ZFPM2: variants seen among roughly 807,000 people sequenced by gnomAD.
ZFPM2 encodes zinc finger protein ZFPM2.
Under a neutral mutation model 98.6 loss-of-function variants are expected in ZFPM2, and 20 were observed. The observed-to-expected ratio is 0.20, with a 90% CI of 0.14 to 0.29. The LOEUF (loss-of-function observed/expected upper bound fraction) is 0.29. Among genes scored for constraint, ZFPM2 ranks in the 10% least tolerant of loss-of-function variants. ZFPM2 has a pLI of 1.00. For synonymous variants in ZFPM2, 518 were observed against 502.7 expected (o/e 1.03, Z -0.41); for missense variants, 1,310 against 1,388.6 (o/e 0.94, Z 0.90).
At chr8:105,743,074 A>G (rs1749565534) in intron 5 of ZFPM2, among the ~76,000 whole-genome samples, 1 of 152,132 alleles carries the variant, frequency 6.6e-6, no homozygotes. Context: ...AGATTTTTAG[A>G]GTAGGGGAAA....
At chr8:105,501,888 A>G (rs1431248226) in intron 3 of ZFPM2, among the ~76,000 whole-genome samples, 14 of 142,320 alleles carry the variant, frequency 9.8e-5, no homozygotes, top group South Asian at 2.3e-4. Context: ...TTTCAAACAT[A>G]TGTTAAACAG....
At chr8:105,495,952 T>C (rs1201656868) in intron 3 of ZFPM2, among the ~76,000 whole-genome samples, 2 of 152,188 alleles carry the variant, frequency 1.3e-5, no homozygotes, top group African/African-American at 2.4e-5. Flanking sequence ...AGAGTTCCCA[T>C]ACTTTATACC....
At chr8:105,379,079 A>C (rs1810787913) in intron 1 of ZFPM2, among the ~76,000 whole-genome samples, 1 of 152,170 alleles carries the variant, frequency 6.6e-6, no homozygotes, top group African/African-American at 2.4e-5. Context: ...AACAATATGT[A>C]CTACTTTTGT....
At chr8:105,731,628 A>G (rs1811941798) in intron 5 of ZFPM2, among the ~76,000 whole-genome samples, 1 of 151,628 alleles carries the variant, frequency 6.6e-6, no homozygotes, top group Non-Finnish European at 1.5e-5. Flanking sequence ...GTAAATAGAA[A>G]GTTTATAATA....
At chr8:105,546,259 G>T (rs769178374) in intron 3 of ZFPM2, among the ~76,000 whole-genome samples, 13 of 151,946 alleles carry the variant, frequency 8.6e-5, no homozygotes, top group African/African-American at 2.9e-4. Context: ...TTTTATTTTC[G>T]TCTTTATTTA....
intron 3 of ZFPM2, among the ~76,000 whole-genome samples, chr8:105,527,431 A>G (rs1409253510): frequency 1.3e-5 from 2 of 152,212 alleles, no homozygotes; most frequent in Non-Finnish European, 2.9e-5. Flanking sequence ...GGATAACTAT[A>G]TGGATTTAGA....
At chr8:105,401,583 A>C (rs939983493) in intron 1 of ZFPM2, among the ~76,000 whole-genome samples, 1 of 151,978 alleles carries the variant, frequency 6.6e-6, no homozygotes, top group African/African-American at 2.4e-5. Flanking sequence ...GCATTTCATC[A>C]TTTGCCTTCA....
At chr8:105,619,446 A>G (rs990143944) in intron 4 of ZFPM2, among the ~76,000 whole-genome samples, 1 of 152,092 alleles carries the variant, frequency 6.6e-6, no homozygotes, top group Admixed American at 6.6e-5. Flanking sequence ...TGAATATTCT[A>G]CATAGTAGAT....
intron 5 of ZFPM2, among the ~76,000 whole-genome samples, chr8:105,657,009 T>C (rs1408018861): frequency 6.6e-6 from 1 of 152,154 alleles, no homozygotes; most frequent in Non-Finnish European, 1.5e-5. Flanking sequence ...GTTGCCCTAG[T>C]TTCTTAAGTC....
intron 3 of ZFPM2, among the ~76,000 whole-genome samples, chr8:105,546,394 T>C (rs1814698278): frequency 6.6e-6 from 1 of 151,818 alleles, no homozygotes; most frequent in Non-Finnish European, 1.5e-5. Context: ...CTGATCAACA[T>C]GGAGAAACAC....
intron 5 of ZFPM2, among the ~76,000 whole-genome samples, chr8:105,736,859 CTAA>C (rs1325488847): frequency 6.6e-6 from 1 of 151,980 alleles, no homozygotes; most frequent in Non-Finnish European, 1.5e-5. Context: ...AATAATATCT[CTAA>C]TATTTTAATT....
chr8:105,568,177 G>T (rs143610189), intron 4 of ZFPM2, among the ~76,000 whole-genome samples: 1 of 152,006 alleles, frequency 6.6e-6, no homozygotes, highest in East Asian at 1.9e-4. Context: ...TCTAACCTTG[G>T]CTTTTTACCC....
intron 6 of ZFPM2, among the ~76,000 whole-genome samples, chr8:105,789,581 G>A (rs1487637979): frequency 6.6e-6 from 1 of 151,308 alleles, no homozygotes; most frequent in Non-Finnish European, 1.5e-5. Context: ...ATGATTTATA[G>A]TCCTTTGGGT....
At chr8:105,349,554 G>A (rs1271506773) in intron 1 of ZFPM2, among the ~76,000 whole-genome samples, 4 of 152,092 alleles carry the variant, frequency 2.6e-5, no homozygotes, top group African/African-American at 9.7e-5. Flanking sequence ...TCAGTGAAGG[G>A]TTTACATTCA....
chr8:105,786,349 G>T (rs1586264902), intron 5 of ZFPM2, among the ~76,000 whole-genome samples: 1 of 152,128 alleles, frequency 6.6e-6, no homozygotes, highest in Admixed American at 6.5e-5. Flanking sequence ...ATGTGATATT[G>T]TAATATATTT....
At chr8:105,386,541 C>T (rs1322669993) in intron 1 of ZFPM2, among the ~76,000 whole-genome samples, 2 of 152,044 alleles carry the variant, frequency 1.3e-5, no homozygotes, top group Non-Finnish European at 2.9e-5. Flanking sequence ...TTCATGGTCT[C>T]GCTGGCTCAG....
intron 5 of ZFPM2, among the ~76,000 whole-genome samples, chr8:105,748,697 A>C (rs1812407979): frequency 6.6e-6 from 1 of 152,004 alleles, no homozygotes; most frequent in Admixed American, 6.6e-5. Flanking sequence ...TTTGCTCCTT[A>C]ATGTAATTTT....
At chr8:105,419,493 T>G (rs1811751437) in intron 2 of ZFPM2, among the ~76,000 whole-genome samples, 191 bp downstream of exon 2, 1 of 152,322 alleles carries the variant, frequency 6.6e-6, no homozygotes, top group South Asian at 2.1e-4. Flanking sequence ...CAGTAATTTT[T>G]TATATTGAAA....
rs755393898 is a variant in ZFPM2, at chr8:105,415,481, C to T, written c.41-3663C>T. On this transcript the variant is annotated intron_variant, in intron 1 of 7. Coordinates refer to ENST00000407775, the MANE Select transcript of ZFPM2 (RefSeq NM_012082.4). Reference sequence around the variant, plus strand: ...TCCATGAGGGCACATGGAGCTCGGTCGTGAGCCTTTTCTGAGTAGATATTA... The same window carrying T: ...TCCATGAGGGCACATGGAGCTCGGTTGTGAGCCTTTTCTGAGTAGATATTA... Among the ~76,000 whole-genome samples, 14 of 151,946 alleles carry T rather than the reference C, an allele frequency of 9.2e-5. No individual in the cohort carries two copies. The South Asian group carries it at 1.2e-3, about 14-fold the overall frequency.
Sources: allele counts gnomAD v4.1 joint callset (sites outside exome capture counted in the v4.1 genomes callset), GRCh38; gene constraint gnomAD v4.1.1; transcripts MANE v1.5; gene names NCBI Gene and HGNC (gene_info 2026-07-23, HGNC 2026-07-21).